The following PDLIM7 variants were observed in gnomAD, a reference collection of about 807,000 sequenced individuals.
The protein encoded by PDLIM7 is PDZ and LIM domain 7, also known as PDZ and LIM domain protein 7.
PDLIM7 carries 37 observed loss-of-function variants against 53.9 expected under a neutral mutation model. The ratio of observed to expected loss-of-function variants is 0.69; its 90% confidence interval spans 0.53 to 0.90. PDLIM7 has a LOEUF of 0.90. Among genes scored for constraint, PDLIM7 ranks in the 40% least tolerant of loss-of-function variants. The pLI, the probability that PDLIM7 is intolerant of heterozygous loss-of-function variation, is 0.00. For missense variants in PDLIM7, 617 were observed against 638.5 expected (o/e 0.97, Z 0.36); for synonymous variants, 300 against 261.3 (o/e 1.15, Z -1.43).
intron 2 of PDLIM7, among the ~76,000 whole-genome samples, chr5:177,495,816 G>A (rs1301053300): frequency 6.6e-6 from 1 of 151,942 alleles, no homozygotes; most frequent in Non-Finnish European, 1.5e-5. Context: ...TCTGCTTGGG[G>A]TCAAAGGCCA....
rs1488963206 is a variant in PDLIM7, at chr5:177,491,063, G to A, written c.482C>T (p.Thr161Ile). 2.5e-6 allele frequency: 4 copies of A among 1,611,012 alleles called. No homozygotes were observed. The highest frequency in any genetic ancestry group is 1.3e-5 in the African/African-American group (1 of 75,016). The change falls in exon 6 of 13, where the codon ACA becomes ATA. Residue 161 changes from threonine to isoleucine, a missense_variant. Physicochemically the swap from Thr to Ile is moderately conservative, Grantham distance 89. Transcript: ENST00000355841. ...NTEDWRPRPG[T>I]GQSRSFRILA... ...GATGCGGAAGGAACGCGACTGGCCT[G>A]TCCCCGGCCGCGGCCGCCAGTCCTC...
chr5:177,486,636 C>CTCTTTCTT (rs908241721), intron 10 of PDLIM7, among the ~76,000 whole-genome samples: 1 of 152,068 alleles, frequency 6.6e-6, no homozygotes, highest in African/African-American at 2.4e-5. Flanking sequence ...AGGCAGATTT[C>CTCTTTCTT]TCTTTCTTTT....
At chr5:177,490,808 A>AG in intron 7 of PDLIM7, 62 bp downstream of exon 7, 1 of 1,578,904 alleles carries the variant, frequency 6.3e-7, no homozygotes, top group Non-Finnish European at 8.7e-7. Context: ...GAGTAGACAC[A>AG]GGGCAGTAGC....
chr5:177,485,453 C>G (rs1334023878), intron 10 of PDLIM7, among the ~76,000 whole-genome samples: 1 of 152,234 alleles, frequency 6.6e-6, no homozygotes, highest in East Asian at 1.9e-4. Flanking sequence ...ATGTGTGGGT[C>G]TGGCCAGACC....
At chr5:177,491,441 A>C (rs1758776436) in intron 5 of PDLIM7, 2 of 1,542,918 alleles carry the variant, frequency 1.3e-6, no homozygotes, top group Admixed American at 2.0e-5. Context: ...AATAAGACAG[A>C]CAGACAGATA....
chr5:177,493,016 G>T, intron 2 of PDLIM7: 1 of 304,546 alleles, frequency 3.3e-6, no homozygotes, highest in East Asian at 6.7e-5. Context: ...TCCACAAACA[G>T]CCACGCTCAG....
In PDLIM7 at chr5:177,488,187, A is replaced by G; in HGVS notation, c.931T>C (p.Cys311Arg). 1.9e-6 allele frequency: 3 copies of G among 1,613,356 alleles called. No homozygotes were observed. The highest frequency in any genetic ancestry group is 2.5e-6 in the Non-Finnish European group (3 of 1,179,926). Residue 311 changes from cysteine to arginine, a missense_variant, in exon 10 of 13, where the codon TGT becomes CGT. Cys to Arg is a radical substitution (Grantham distance 180). Transcript: ENST00000355841. ...CCACCCTCTTCCAGGACCTTCCCACACTGGCTACACACAAACTCCTCCGGG... is the reference window on the plus strand; with the variant it reads ...CCACCCTCTTCCAGGACCTTCCCACGCTGGCTACACACAAACTCCTCCGGG... Reference protein sequence around the residue: ...YHPEEFVCSQCGKVLEEGGFF... With the variant: ...YHPEEFVCSQRGKVLEEGGFF...
chr5:177,492,924 T>C (rs1758881034), intron 2 of PDLIM7: 1 of 524,636 alleles, frequency 1.9e-6, no homozygotes, highest in Non-Finnish European at 3.4e-6. Flanking sequence ...CCTCAGGTGG[T>C]GCTCACCTGA....
At chr5:177,488,889 CAAA>C (rs56297561) in intron 9 of PDLIM7, among the ~76,000 whole-genome samples, 2,229 of 105,956 alleles carry the variant, frequency 0.021, 62 homozygotes, top group African/African-American at 0.066. Context: ...GACTCTGTTT[CAAA>C]AAAAAAAAAA....
intron 4 of PDLIM7, 123 bp downstream of exon 4, chr5:177,492,282 C>T: frequency 7.7e-7 from 1 of 1,296,176 alleles, no homozygotes; most frequent in Non-Finnish European, 1.1e-6. Context: ...CGCCTTAGCT[C>T]CGGTTTCTGC....
intron 10 of PDLIM7, 68 bp from the exon 11 acceptor site, chr5:177,484,258 C>T: frequency 1.3e-6 from 2 of 1,586,276 alleles, no homozygotes; most frequent in South Asian, 1.1e-5. Flanking sequence ...CACGGGAACA[C>T]AGGAGGGCTG....
chr5:177,492,958 C>G (rs1006699427), intron 2 of PDLIM7: 7 of 458,682 alleles, frequency 1.5e-5, no homozygotes, highest in African/African-American at 1.4e-4. Context: ...CGATGCTTAT[C>G]TATTCACCGC....
At chr5:177,486,220 G>T (rs1758431326) in intron 10 of PDLIM7, among the ~76,000 whole-genome samples, 1 of 151,918 alleles carries the variant, frequency 6.6e-6, no homozygotes, top group African/African-American at 2.4e-5. Context: ...CATCATGCAG[G>T]CAAATCTTCT....
intron 1 of PDLIM7, chr5:177,496,924 G>A (rs757562267): frequency 6.4e-6 from 1 of 157,232 alleles, no homozygotes; most frequent in Non-Finnish European, 1.4e-5. Flanking sequence ...GCCGCGGCTG[G>A]AGCCTGCTCG....
chr5:177,489,088 C>A (rs1034627542), intron 9 of PDLIM7, among the ~76,000 whole-genome samples: 2 of 152,196 alleles, frequency 1.3e-5, no homozygotes, highest in African/African-American at 2.4e-5. Flanking sequence ...GGGGCAGACG[C>A]GCTGGGAGGG....
intron 4 of PDLIM7, chr5:177,492,181 AGCAGGCGGACAG>A: frequency 1.6e-6 from 1 of 633,528 alleles, no homozygotes; most frequent in Non-Finnish European, 2.7e-6. Context: ...GGCGGGAGGC[AGCAGGCGGACAG>A]ACAGGCGGAC....
In PDLIM7 at chr5:177,496,350, A is replaced by T. The variant is rs889557712; in HGVS notation, c.96+67T>A. ...ACCAGCTCCTGTTAGGACTCCCCCCATCACCCTCTGGAGACCTAAGCACCG... is the reference window on the plus strand; with the variant it reads ...ACCAGCTCCTGTTAGGACTCCCCCCTTCACCCTCTGGAGACCTAAGCACCG... On this transcript the variant is annotated intron_variant, in intron 2 of 12. Coordinates refer to ENST00000355841, the MANE Select transcript of PDLIM7 (RefSeq NM_005451.5). The T allele has an allele frequency of 9.8e-6, 12 of 1,229,514 alleles. 1 individual carries two copies. The highest frequency in any genetic ancestry group is 2.8e-5 in the East Asian group (1 of 35,892). The allele number at this position is 1,229,514 out of a possible 1,614,324, so 76.2% of individuals were successfully genotyped here. A position where few individuals can be genotyped will look rare whatever the true frequency, so the allele number is the denominator to read the frequency against.
At chr5:177,492,801 A>G (rs1758873343) in intron 2 of PDLIM7, 124 bp from the exon 3 acceptor site, 5 of 1,082,124 alleles carry the variant, frequency 4.6e-6, no homozygotes, top group African/African-American at 1.6e-5. Context: ...TCTTCATTCA[A>G]CATAGTTCTA....
At chr5:177,486,214 A>T (rs1758430820) in intron 10 of PDLIM7, among the ~76,000 whole-genome samples, 1 of 151,884 alleles carries the variant, frequency 6.6e-6, no homozygotes, top group South Asian at 2.1e-4. Flanking sequence ...CCACTGCATC[A>T]TGCAGGCAAA....
Sources: gnomAD v4.1 joint callset for allele counts (sites outside exome capture counted in the v4.1 genomes callset) on GRCh38, gnomAD v4.1.1 for gene constraint, MANE v1.5 for transcripts, NCBI Gene and HGNC (gene_info 2026-07-23, HGNC 2026-07-21) for gene names.